The following CMPK2 variants were observed in gnomAD, a reference collection of about 807,000 sequenced individuals.
CMPK2 encodes the protein cytidine/uridine monophosphate kinase 2.
A neutral mutation model predicts 33.4 loss-of-function variants in CMPK2; 32 were observed. The observed-to-expected ratio is 0.96, with a 90% confidence interval of 0.72 to 1.29. The LOEUF is 1.29. Ranked by LOEUF, CMPK2 falls within the 50% of genes most tolerant of loss-of-function variation. The pLI, the probability that CMPK2 is intolerant of heterozygous loss-of-function variation, is 0.00. For synonymous variants in CMPK2, 299 were observed against 275.3 expected (o/e 1.09, Z -0.85); for missense variants, 672 against 616.0 (o/e 1.09, Z -0.96).
chr2:6,844,584 G>A (rs1662312188), downstream of CMPK2, among the ~76,000 whole-genome samples: 1 of 152,148 alleles, frequency 6.6e-6, no homozygotes, highest in Non-Finnish European at 1.5e-5. Flanking sequence ...ACTCATCTAT[G>A]GGATCATTGG....
intron 3 of CMPK2, among the ~76,000 whole-genome samples, chr2:6,852,007 G>A (rs892321498): frequency 6.6e-6 from 1 of 152,168 alleles, no homozygotes; most frequent in Admixed American, 6.5e-5. Context: ...AGAATGGAGG[G>A]TGACAGGGGA....
intron 3 of CMPK2, among the ~76,000 whole-genome samples, chr2:6,854,420 T>C (rs1662622801): frequency 6.6e-6 from 1 of 152,230 alleles, no homozygotes; most frequent in African/African-American, 2.4e-5. Context: ...TTTATTAAAA[T>C]CTTTAAACAT....
chr2:6,859,660 C>T (rs529201298), intron 3 of CMPK2, among the ~76,000 whole-genome samples: 7 of 152,308 alleles, frequency 4.6e-5, no homozygotes, highest in African/African-American at 7.2e-5. Flanking sequence ...TGGGAACCTC[C>T]GCCTAGATTT....
At position 6,848,449 on chromosome 2, in the gene CMPK2, T is replaced by TA; in HGVS notation, c.*1400dup. Reference sequence around the variant, plus strand: ...AAATAAAACCAATAATACAGCTAGATACCACATTGCAAAGAACCCTAATGC... The same window carrying TA: ...AAATAAAACCAATAATACAGCTAGATAACCACATTGCAAAGAACCCTAATGC... On this transcript the variant is annotated 3_prime_UTR_variant, in exon 5 of 5. Coordinates refer to ENST00000256722, the MANE Select transcript of CMPK2 (RefSeq NM_207315.4). 3 of 981,832 alleles carry TA rather than the reference T, an allele frequency of 3.1e-6. No individual in the cohort carries two copies. The highest frequency in any genetic ancestry group is 3.6e-6 in the Non-Finnish European group (3 of 826,632). The allele number at this position is 981,832 out of a possible 1,614,324, so 60.8% of individuals were successfully genotyped here.
In CMPK2 at chr2:6,865,747, C is replaced by T. The variant is rs1231100645; in HGVS notation, c.-51G>A. ...GCCCCGCCTCGGAAACGAAACCTGG[C>T]GGGAGCCAGGCGCCGGCGGGAAACG... On this transcript the variant is annotated 5_prime_UTR_variant, in exon 1 of 5. Coordinates refer to ENST00000256722, the MANE Select transcript of CMPK2 (RefSeq NM_207315.4). 2.4e-6 allele frequency: 3 copies of T among 1,275,700 alleles called. No homozygotes were observed. The highest frequency in any genetic ancestry group is 3.0e-6 in the Non-Finnish European group (3 of 1,011,836). 79.0% of individuals were successfully genotyped at this position (1,275,700 alleles called of 1,614,324 possible).
chr2:6,858,365 T>C (rs1662778662), intron 3 of CMPK2, among the ~76,000 whole-genome samples: 1 of 152,210 alleles, frequency 6.6e-6, no homozygotes, highest in Non-Finnish European at 1.5e-5. Context: ...TCTTACCTCA[T>C]CTTATGTATT....
chr2:6,848,296 A>G (rs1237857940), downstream of CMPK2: 15 of 941,066 alleles, frequency 1.6e-5, no homozygotes, highest in Non-Finnish European at 1.9e-5. Context: ...ACAAATCAAT[A>G]TGTACCCAGG....
downstream of CMPK2, among the ~76,000 whole-genome samples, chr2:6,847,061 G>A (rs1662380617): frequency 6.6e-6 from 1 of 152,184 alleles, no homozygotes; most frequent in Non-Finnish European, 1.5e-5. Flanking sequence ...AGAAGGGGGA[G>A]CTCTAATGGG....
chr2:6,845,185 T>C (rs926135886), downstream of CMPK2, among the ~76,000 whole-genome samples: 7 of 152,104 alleles, frequency 4.6e-5, no homozygotes, highest in African/African-American at 1.7e-4. Context: ...AGTTGTTGAA[T>C]AGTATATAAA....
chr2:6,854,718 G>T (rs1235627936), intron 3 of CMPK2, among the ~76,000 whole-genome samples: 1 of 152,140 alleles, frequency 6.6e-6, no homozygotes, highest in Non-Finnish European at 1.5e-5. Flanking sequence ...AAAGCAATTT[G>T]CCAACACATT....
At chr2:6,863,293 T>C (rs548911877) in intron 2 of CMPK2, among the ~76,000 whole-genome samples, 171 bp downstream of exon 2, 4 of 152,284 alleles carry the variant, frequency 2.6e-5, no homozygotes, top group African/African-American at 9.6e-5. Flanking sequence ...TGCTTCATAT[T>C]GAAGGTCTTA....
At chr2:6,861,444 G>T in intron 2 of CMPK2, 59 bp from the exon 3 acceptor site, 2 of 1,310,296 alleles carry the variant, frequency 1.5e-6, no homozygotes, top group Non-Finnish European at 2.2e-6. Flanking sequence ...TAACATTGAC[G>T]TAGAAAGAGC....
chr2:6,852,089 A>G (rs900832459), intron 3 of CMPK2, among the ~76,000 whole-genome samples: 4 of 152,228 alleles, frequency 2.6e-5, no homozygotes, highest in African/African-American at 7.2e-5. Flanking sequence ...TGGAAAGGCC[A>G]TGTCAGTTCC....
chr2:6,852,892 C>G (rs1036721006), intron 3 of CMPK2, among the ~76,000 whole-genome samples: 18 of 152,182 alleles, frequency 1.2e-4, no homozygotes, highest in Admixed American at 1.1e-3. Context: ...TATAAACATT[C>G]CAACGTAGAG....
intron 3 of CMPK2, among the ~76,000 whole-genome samples, chr2:6,856,021 C>T (rs1234901334): frequency 4.6e-5 from 7 of 152,178 alleles, no homozygotes; most frequent in Admixed American, 4.6e-4. Flanking sequence ...GTCAACAGGG[C>T]TGTTAGTCAC....
At position 6,865,830 on chromosome 2, in the gene CMPK2, G is replaced by A. The variant is rs1663065556; in HGVS notation, c.-134C>T. 1.6e-5 allele frequency: 21 copies of A among 1,273,538 alleles called. No homozygotes were observed. Among genetic ancestry groups the A allele is most frequent in the East Asian group, 3.5e-5 (1 of 28,962 alleles). The allele number at this position is 1,273,538 out of a possible 1,614,324, so 78.9% of individuals were successfully genotyped here. A position where few individuals can be genotyped will look rare whatever the true frequency, so the allele number is the denominator to read the frequency against. On this transcript the variant is annotated 5_prime_UTR_variant, in exon 1 of 5. Coordinates refer to ENST00000256722, the MANE Select transcript of CMPK2 (RefSeq NM_207315.4). Reference sequence around the variant, plus strand: ...CGAAAGCGAAGCGTTGCGGGGAAACGAAAGCCGGAGGCCCAGGCGGGGCAG... The same window carrying A: ...CGAAAGCGAAGCGTTGCGGGGAAACAAAAGCCGGAGGCCCAGGCGGGGCAG...
chr2:6,847,435 A>G (rs1238574135), downstream of CMPK2, among the ~76,000 whole-genome samples: 3 of 152,164 alleles, frequency 2.0e-5, no homozygotes. Context: ...AGTGAGCCAG[A>G]GGTTTGTGCA....
chr2:6,845,970 T>C (rs1288092995), downstream of CMPK2, among the ~76,000 whole-genome samples: 1 of 152,212 alleles, frequency 6.6e-6, no homozygotes, highest in Non-Finnish European at 1.5e-5. Context: ...AGATTTTTTT[T>C]GTTGTTTGGT....
chr2:6,844,260 T>C (rs894868290), downstream of CMPK2, among the ~76,000 whole-genome samples: 1 of 152,172 alleles, frequency 6.6e-6, no homozygotes, highest in Non-Finnish European at 1.5e-5. Context: ...TGGACTCTAT[T>C]GTAAAAGACC....
Sources: gnomAD v4.1 joint callset for allele counts (sites outside exome capture counted in the v4.1 genomes callset) on GRCh38, gnomAD v4.1.1 for gene constraint, MANE v1.5 for transcripts, NCBI Gene and HGNC (gene_info 2026-07-23, HGNC 2026-07-21) for gene names.